UGT1A7: variants seen among roughly 807,000 people sequenced by gnomAD.
The protein encoded by UGT1A7 is UDP-glucuronosyltransferase 1A7.
A neutral mutation model predicts 45.6 loss-of-function variants in UGT1A7; 33 were observed. That is an observed-to-expected ratio of 0.72 (90% CI 0.55 to 0.97). The LOEUF (loss-of-function observed/expected upper bound fraction) is 0.97, where lower values mean the gene tolerates loss of function less well. Ranked by LOEUF, UGT1A7 falls within the 50% of genes least tolerant of loss-of-function variation. UGT1A7 has a pLI of 0.00. For synonymous variants in UGT1A7, 274 were observed against 250.6 expected (o/e 1.09, Z -0.88); for missense variants, 684 against 666.2 (o/e 1.03, Z -0.29).
chr2:233,684,813 AG>A (rs2074702770), intron 1 of UGT1A7, among the ~76,000 whole-genome samples: 1 of 152,236 alleles, frequency 6.6e-6, no homozygotes, highest in South Asian at 2.1e-4. Context: ...CAACCACAAA[AG>A]TAAATTGTCA....
At chr2:233,700,616 G>A (rs998410920) in intron 1 of UGT1A7, among the ~76,000 whole-genome samples, 7 of 151,898 alleles carry the variant, frequency 4.6e-5, no homozygotes, top group Non-Finnish European at 8.8e-5. Flanking sequence ...TTTTGGGGGG[G>A]TTCCAGTAAG....
Position 233,696,288 on chromosome 2 carries a change from G to A in UGT1A7, c.855+13496G>A, listed in dbSNP as rs2075336055. Among the ~76,000 whole-genome samples, 4 of 152,290 alleles carry A rather than the reference G, an allele frequency of 2.6e-5. No individual in the cohort carries two copies. In the South Asian group the frequency reaches 8.3e-4, roughly 32 times the overall value. On this transcript the variant is annotated intron_variant, in intron 1 of 4. Transcript: ENST00000373426. ...GAATGGATAAAGAAAACGTAGGACTGTAATATCGTGAAATATATATTTGGT... is the reference window on the plus strand; with the variant it reads ...GAATGGATAAAGAAAACGTAGGACTATAATATCGTGAAATATATATTTGGT...
intron 1 of UGT1A7, among the ~76,000 whole-genome samples, chr2:233,716,620 A>G (rs1358679333): frequency 2.0e-5 from 3 of 152,166 alleles, no homozygotes; most frequent in Non-Finnish European, 2.9e-5. Context: ...GGTTTATTCT[A>G]GTGAAGTTTT....
intron 1 of UGT1A7, among the ~76,000 whole-genome samples, chr2:233,700,387 T>C (rs887496616): frequency 6.6e-6 from 1 of 152,216 alleles, no homozygotes; most frequent in African/African-American, 2.4e-5. Flanking sequence ...TCCAGGCATG[T>C]GGAACATTTT....
At chr2:233,729,527 A>T in intron 1 of UGT1A7, 1 of 1,614,206 alleles carries the variant, frequency 6.2e-7, no homozygotes, top group Non-Finnish European at 8.5e-7. Context: ...CTACTACATA[A>T]TGAGGCCCTG....
intron 1 of UGT1A7, chr2:233,690,407 T>G: frequency 5.9e-5 from 71 of 1,195,338 alleles, no homozygotes; most frequent in Non-Finnish European, 7.1e-5. Context: ...ATTCCCAACA[T>G]GAAATTACCT....
At chr2:233,767,333 T>C (rs921656362) in intron 2 of UGT1A7, among the ~76,000 whole-genome samples, 168 bp downstream of exon 2, 5 of 152,208 alleles carry the variant, frequency 3.3e-5, no homozygotes, top group African/African-American at 1.2e-4. Flanking sequence ...GTTGTTGTCA[T>C]TGTTTTCAAT....
intron 1 of UGT1A7, chr2:233,753,671 C>T (rs1245281633): frequency 2.0e-5 from 3 of 152,212 alleles, no homozygotes; most frequent in Admixed American, 6.5e-5. Flanking sequence ...GTGTATGGTG[C>T]CTCACCCAAA....
intron 1 of UGT1A7, among the ~76,000 whole-genome samples, chr2:233,710,804 T>A (rs1263118974): frequency 6.6e-6 from 1 of 152,240 alleles, no homozygotes; most frequent in Non-Finnish European, 1.5e-5. Context: ...GTACCCCTCG[T>A]GCCCTATCTA....
intron 1 of UGT1A7, chr2:233,713,996 A>G: frequency 6.4e-7 from 1 of 1,559,392 alleles, no homozygotes; most frequent in Non-Finnish European, 8.7e-7. Context: ...AATAGTCTTC[A>G]GTGAGATAAA....
intron 1 of UGT1A7, among the ~76,000 whole-genome samples, chr2:233,698,632 A>G (rs1452910614): frequency 6.6e-6 from 1 of 152,262 alleles, no homozygotes; most frequent in Non-Finnish European, 1.5e-5. Context: ...TTTGCCTAAC[A>G]GGTTAGTAAG....
In UGT1A7 at chr2:233,769,690, G is replaced by A; in HGVS notation, c.1295+1251G>A. ...GTGCTAATGTGTGTGTGGTGGCACT[G>A]GATAAAAGATCAATGTTGGCTAGGC... On this transcript the variant is annotated intron_variant, in intron 4 of 4. Transcript: ENST00000373426. The surrounding 1 kb of genome is among the most constrained non-coding windows in gnomAD (Gnocchi z 4.4). The A allele has an allele frequency of 6.5e-7, 1 of 1,547,510 alleles. No homozygotes were observed. Among genetic ancestry groups the A allele is most frequent in the African/African-American group, 1.4e-5 (1 of 73,636 alleles).
intron 1 of UGT1A7, chr2:233,753,210 T>TAGAC (rs1695156471): frequency 2.0e-5 from 3 of 152,224 alleles, no homozygotes; most frequent in African/African-American, 4.8e-5. Flanking sequence ...ACAGTCTGTC[T>TAGAC]TATTTTGATA....
At chr2:233,725,185 C>G (rs113275054) in intron 1 of UGT1A7, among the ~76,000 whole-genome samples, 730 of 70,066 alleles carry the variant, frequency 0.01, 54 homozygotes, top group African/African-American at 0.042. Context: ...TGGGGAGAGG[C>G]AGAGGCAGAG....
At position 233,767,839 on chromosome 2, in the gene UGT1A7, C is replaced by A; in HGVS notation, c.988-10C>A. The A allele has an allele frequency of 6.2e-7, 1 of 1,614,144 alleles. No individual in the cohort carries two copies. Among genetic ancestry groups the A allele is most frequent in the Non-Finnish European group, 8.5e-7 (1 of 1,180,028 alleles). ...CTTTCTTTACGTTCTGCTCTTTTTG[C>A]CCCTCCCAGGTCCTGTGGCGGTACA... On this transcript the variant is annotated splice_polypyrimidine_tract_variant and intron_variant, in intron 2 of 4. Coordinates refer to ENST00000373426, the MANE Select transcript of UGT1A7 (RefSeq NM_019077.3).
chr2:233,727,033 A>G (rs2077579512), intron 1 of UGT1A7, among the ~76,000 whole-genome samples: 1 of 152,190 alleles, frequency 6.6e-6, no homozygotes, highest in Admixed American at 6.5e-5. Flanking sequence ...ACCCTAAGGA[A>G]TCTTTACCCC....
intron 4 of UGT1A7, chr2:233,771,176 C>A (rs887864017): frequency 1.1e-4 from 17 of 152,256 alleles, no homozygotes; most frequent in African/African-American, 4.1e-4. Context: ...CTGGGGATTA[C>A]AATTCAACAT....
At chr2:233,704,638 TG>T (rs1478275517) in intron 1 of UGT1A7, among the ~76,000 whole-genome samples, 3 of 152,208 alleles carry the variant, frequency 2.0e-5, no homozygotes, top group Non-Finnish European at 4.4e-5. Context: ...TTAACCTTTT[TG>T]CTTATCATTT....
intron 1 of UGT1A7, chr2:233,750,567 C>G (rs1230562765): frequency 2.0e-5 from 3 of 151,970 alleles, no homozygotes; most frequent in Admixed American, 6.5e-5. Context: ...GCAGCAGACC[C>G]TCCCATCACA....
Sources: allele counts gnomAD v4.1 joint callset (sites outside exome capture counted in the v4.1 genomes callset), GRCh38; gene constraint gnomAD v4.1.1; non-coding constraint Gnocchi (gnomAD v3.1); transcripts MANE v1.5; gene names NCBI Gene and HGNC (gene_info 2026-07-23, HGNC 2026-07-21).